Variants in TMEFF1 observed in about 807,000 individuals in gnomAD.
The protein encoded by TMEFF1 is transmembrane protein with EGF like and two follistatin like domains 1.
Under a neutral mutation model 47.5 loss-of-function variants are expected in TMEFF1, and 20 were observed. The observed-to-expected ratio is 0.42, with a 90% CI of 0.30 to 0.61. The LOEUF (loss-of-function observed/expected upper bound fraction) is 0.61, where lower values mean the gene tolerates loss of function less well. TMEFF1 is among the 20% of genes least tolerant of loss of function. The pLI is 0.19. For missense variants in TMEFF1, 411 were observed against 471.1 expected (o/e 0.87, Z 1.18); for synonymous variants, 162 against 166.3 (o/e 0.97, Z 0.20).
intron 1 of TMEFF1, among the ~76,000 whole-genome samples, chr9:100,483,947 A>G (rs527804107): frequency 1.7e-3 from 266 of 152,196 alleles, no homozygotes; most frequent in Non-Finnish European, 3.0e-3. Context: ...TATTTTTCAC[A>G]GTTTTTCAGT....
chr9:100,503,028 T>G (rs1837796448), intron 2 of TMEFF1, among the ~76,000 whole-genome samples: 1 of 152,196 alleles, frequency 6.6e-6, no homozygotes, highest in African/African-American at 2.4e-5. Flanking sequence ...TATAAGATTA[T>G]AAATCTGTTC....
intron 2 of TMEFF1, among the ~76,000 whole-genome samples, chr9:100,499,127 T>C (rs2118320451): frequency 6.6e-6 from 1 of 152,322 alleles, no homozygotes; most frequent in South Asian, 2.1e-4. Flanking sequence ...TATTTAAATG[T>C]AAGGTATAAT....
At chr9:100,538,385 T>C (rs1435852912) in intron 5 of TMEFF1, among the ~76,000 whole-genome samples, 1 of 152,212 alleles carries the variant, frequency 6.6e-6, no homozygotes, top group Non-Finnish European at 1.5e-5. Flanking sequence ...TACAGTCGTC[T>C]GTCAGTATTT....
chr9:100,476,540 G>T (rs1431935750), intron 1 of TMEFF1, among the ~76,000 whole-genome samples: 1 of 149,536 alleles, frequency 6.7e-6, no homozygotes, highest in Non-Finnish European at 1.5e-5. Flanking sequence ...GACTACAGGC[G>T]CCCACCACCA....
chr9:100,550,785 C>T (rs1488741726), intron 7 of TMEFF1, among the ~76,000 whole-genome samples: 1 of 152,112 alleles, frequency 6.6e-6, no homozygotes, highest in Non-Finnish European at 1.5e-5. Context: ...TAACCCTAGC[C>T]GAATATCTGG....
chr9:100,548,510 G>C (rs1243451789), intron 6 of TMEFF1, among the ~76,000 whole-genome samples: 2 of 152,166 alleles, frequency 1.3e-5, no homozygotes, highest in African/African-American at 4.8e-5. Flanking sequence ...TCTAAAGCCA[G>C]AGTTCCCAAT....
At chr9:100,482,761 T>C (rs554399755) in intron 1 of TMEFF1, among the ~76,000 whole-genome samples, 3 of 152,332 alleles carry the variant, frequency 2.0e-5, no homozygotes, top group Admixed American at 2.0e-4. Flanking sequence ...ATTCCTGTTA[T>C]TCACAATTAT....
At chr9:100,558,459 G>A (rs557160138) in intron 7 of TMEFF1, among the ~76,000 whole-genome samples, 1 of 151,848 alleles carries the variant, frequency 6.6e-6, no homozygotes, top group South Asian at 2.1e-4. Flanking sequence ...AGCAAGAAAA[G>A]TATATTTGAT....
intron 9 of TMEFF1, among the ~76,000 whole-genome samples, chr9:100,574,546 AT>A (rs553647121): frequency 4.3e-4 from 63 of 145,138 alleles, no homozygotes; most frequent in East Asian, 4.0e-4. Flanking sequence ...TAATTTTTGT[AT>A]TTTTTTTTTT....
chr9:100,573,674 C>T (rs1839291446), intron 9 of TMEFF1, among the ~76,000 whole-genome samples: 1 of 152,186 alleles, frequency 6.6e-6, no homozygotes, highest in African/African-American at 2.4e-5. Flanking sequence ...GGATTTGTGG[C>T]CCTTCTATCC....
chr9:100,566,159 C>T (rs963071756), intron 8 of TMEFF1, among the ~76,000 whole-genome samples: 6 of 152,176 alleles, frequency 3.9e-5, no homozygotes, highest in African/African-American at 1.4e-4. Flanking sequence ...TTCTTGGCTG[C>T]TTCCCACTTT....
At chr9:100,509,752 C>T (rs914152534) in intron 3 of TMEFF1, among the ~76,000 whole-genome samples, 8 of 143,826 alleles carry the variant, frequency 5.6e-5, no homozygotes, top group South Asian at 2.2e-4. Context: ...CCAGCCTGGG[C>T]GACAGAGCAA....
At chr9:100,477,736 C>T (rs1275749838) in intron 1 of TMEFF1, among the ~76,000 whole-genome samples, 2 of 150,868 alleles carry the variant, frequency 1.3e-5, no homozygotes, top group African/African-American at 4.9e-5. Flanking sequence ...ACCAGTTCTC[C>T]TGCCTCAAGC....
At chr9:100,559,994 C>G (rs967160137) in intron 7 of TMEFF1, among the ~76,000 whole-genome samples, 7 of 151,952 alleles carry the variant, frequency 4.6e-5, no homozygotes, top group South Asian at 2.1e-4. Context: ...AGAAAATCCG[C>G]GTTTTTGGTT....
chr9:100,556,536 T>G (rs1312294308), intron 7 of TMEFF1, among the ~76,000 whole-genome samples: 1 of 152,066 alleles, frequency 6.6e-6, no homozygotes, highest in African/African-American at 2.4e-5. Flanking sequence ...GGTAAACAGA[T>G]GTGGGGAAGT....
chr9:100,572,848 C>T (rs993325476), intron 9 of TMEFF1, among the ~76,000 whole-genome samples, 172 bp downstream of exon 9: 2 of 151,968 alleles, frequency 1.3e-5, no homozygotes, highest in East Asian at 3.9e-4. Flanking sequence ...GACTAATTCC[C>T]AGTCTTACAG....
intron 5 of TMEFF1, among the ~76,000 whole-genome samples, chr9:100,534,739 A>G (rs1838470704): frequency 6.6e-6 from 1 of 152,144 alleles, no homozygotes; most frequent in African/African-American, 2.4e-5. Flanking sequence ...TGTCTTTTTC[A>G]TACATTTGAT....
chr9:100,559,919 T>C (rs1564027602), intron 7 of TMEFF1, among the ~76,000 whole-genome samples: 1 of 152,140 alleles, frequency 6.6e-6, no homozygotes, highest in Non-Finnish European at 1.5e-5. Flanking sequence ...CTGCTTTAGT[T>C]CCACTGTCAC....
intron 5 of TMEFF1, among the ~76,000 whole-genome samples, chr9:100,528,425 C>G (rs902511774): frequency 1.4e-5 from 2 of 146,204 alleles, no homozygotes; most frequent in Non-Finnish European, 3.0e-5. Flanking sequence ...AATCAAGGCT[C>G]GAGAACTACG....
Sources: allele counts gnomAD v4.1 joint callset (sites outside exome capture counted in the v4.1 genomes callset), GRCh38; gene constraint gnomAD v4.1.1; transcripts MANE v1.5; gene names NCBI Gene and HGNC (gene_info 2026-07-23, HGNC 2026-07-21).